DNAH7: variants seen among roughly 807,000 people sequenced by gnomAD.
DNAH7 encodes dynein axonemal heavy chain 7.
Under a neutral mutation model 444.6 loss-of-function variants are expected in DNAH7, and 397 were observed. The observed-to-expected ratio is 0.89, with a 90% CI of 0.82 to 0.97. The LOEUF (loss-of-function observed/expected upper bound fraction) is 0.97, where lower values mean the gene tolerates loss of function less well. Among genes scored for constraint, DNAH7 ranks in the 50% least tolerant of loss-of-function variants. The probability of loss-of-function intolerance (pLI) is 0.00; values close to 1 mark genes in which losing one functional copy is unlikely to be tolerated. For missense variants in DNAH7, 4,902 were observed against 4,800.8 expected (o/e 1.02, Z -0.62); for synonymous variants, 1,636 against 1,624.4 (o/e 1.01, Z -0.17).
intron 17 of DNAH7, among the ~76,000 whole-genome samples, chr2:195,965,521 A>G (rs1691414148): frequency 1.3e-5 from 2 of 152,060 alleles, no homozygotes; most frequent in South Asian, 4.1e-4. Flanking sequence ...ATTTTTCAGA[A>G]TAGTTTGAGT....
intron 43 of DNAH7, 111 bp downstream of exon 43, chr2:195,858,363 A>T (rs1230361486): frequency 2.2e-6 from 2 of 909,432 alleles, no homozygotes. Context: ...TTTCAGCTTC[A>T]TTAAAATTTC....
In DNAH7 at chr2:195,756,235, C is replaced by G; in HGVS notation, c.11484G>C (p.Leu3828Phe). Reference sequence around the variant, plus strand: ...TCCACATTTCTGGAATTTTGACATTCAAAATGCTGCTAACCACTTCTTCAA... The same window carrying G: ...TCCACATTTCTGGAATTTTGACATTGAAAATGCTGCTAACCACTTCTTCAA... Reference protein sequence around the residue: ...TDLEEVVSSILNVKIPEMWMG... With the variant: ...TDLEEVVSSIFNVKIPEMWMG... Residue 3828 changes from leucine (L) to phenylalanine (F), a missense_variant, in exon 62 of 65, where the codon TTG becomes TTC. Transcript: ENST00000312428. 1 of 1,613,714 alleles carries G rather than the reference C, an allele frequency of 6.2e-7. No individual in the cohort carries two copies. The highest frequency in any genetic ancestry group is 1.7e-5 in the Admixed American group (1 of 59,980).
intron 21 of DNAH7, among the ~76,000 whole-genome samples, chr2:195,929,340 C>T (rs1249684372): frequency 2.0e-5 from 3 of 152,150 alleles, no homozygotes; most frequent in African/African-American, 7.2e-5. Flanking sequence ...TATCAAGCTA[C>T]CAACATCATT....
In DNAH7 at chr2:195,936,636, G is replaced by A. The variant is rs1689070545; in HGVS notation, c.3235C>T (p.Leu1079Phe). The A allele has an allele frequency of 6.2e-7, 1 of 1,604,932 alleles. No homozygotes were observed. The highest frequency in any genetic ancestry group is 8.5e-7 in the Non-Finnish European group (1 of 1,177,430). The change falls in exon 20 of 65, where the codon CTT becomes TTT. Residue 1079 changes from leucine (L) to phenylalanine (F), a missense_variant. Coordinates refer to ENST00000312428, the MANE Select transcript of DNAH7 (RefSeq NM_018897.3). Reference protein sequence around the residue: ...PRFFFLSNDELLEILSETKDP... With the variant: ...PRFFFLSNDEFLEILSETKDP... ...TTAGTCTCAGATAGTATCTCAAGAA[G>A]TTCATCATTGGACAAAAAAAAGAAT...
Position 195,888,895 on chromosome 2 carries a change from CTTG to C in DNAH7, c.5130_5132del (p.Asn1710del), listed in dbSNP as rs1290064525. ...TCTCCCCACTCATCAGACATAGCTTCTTGTTGTCATCCAGCACAGTGTTCATAT... is the reference window on the plus strand; with the variant it reads ...TCTCCCCACTCATCAGACATAGCTTCTTGTCATCCAGCACAGTGTTCATAT... On this transcript the variant is annotated inframe_deletion, in exon 32 of 65. Transcript: ENST00000312428. 3 of 1,614,084 alleles carry C rather than the reference CTTG, an allele frequency of 1.9e-6. No individual in the cohort carries two copies. The highest frequency in any genetic ancestry group is 1.1e-5 in the South Asian group (1 of 91,074).
intron 19 of DNAH7, among the ~76,000 whole-genome samples, chr2:195,950,254 T>C (rs545236723): frequency 2.0e-5 from 3 of 152,120 alleles, no homozygotes; most frequent in East Asian, 1.9e-4. Flanking sequence ...TTTTGGTTGG[T>C]AGGCTATTAA....
rs372544498 is a variant in DNAH7 at position 196,026,938 on chromosome 2, T to C, written c.489A>G (p.Arg163=). The C allele has an allele frequency of 7.0e-6, 11 of 1,579,362 alleles. No individual in the cohort carries two copies. Among genetic ancestry groups the C allele is most frequent in the Non-Finnish European group, 6.9e-6 (8 of 1,161,850 alleles). ...TTCCATGGTGAATATAATAGTAATA[T>C]CTCTACAAAAAGAAGATAGGAAAAA... is the stretch of plus-strand genomic sequence containing the variant. ...TASAIEKDIL[R]YYYYIHHGID... Residue 163 remains arginine (R), a splice_region_variant and synonymous_variant, in exon 7 of 65, where the codon AGA becomes AGG. Coordinates refer to ENST00000312428, the MANE Select transcript of DNAH7 (RefSeq NM_018897.3).
intron 1 of DNAH7, among the ~76,000 whole-genome samples, chr2:196,058,841 A>G (rs967079741): frequency 1.3e-5 from 2 of 152,236 alleles, no homozygotes; most frequent in African/African-American, 4.8e-5. Context: ...TTGATCATAA[A>G]ATTAACATGG....
chr2:195,784,875 A>G (rs1029360894), intron 58 of DNAH7, among the ~76,000 whole-genome samples: 1 of 149,124 alleles, frequency 6.7e-6, no homozygotes, highest in East Asian at 1.9e-4. Flanking sequence ...CATATTGTAT[A>G]TATTTATTAC....
chr2:195,901,674 A>G (rs1686717495), intron 27 of DNAH7: 2 of 152,120 alleles, frequency 1.3e-5, no homozygotes, highest in African/African-American at 4.8e-5. Flanking sequence ...TCTAAGGTTT[A>G]CCAGATTATG....
In DNAH7 at chr2:196,012,904, T is replaced by A. The variant is rs1694805309; in HGVS notation, c.872A>T (p.Lys291Ile). Residue 291 changes from lysine to isoleucine, a missense_variant and splice_region_variant, in exon 10 of 65, where the codon AAA becomes ATA. Lys to Ile is a moderately radical substitution (Grantham distance 102). Transcript: ENST00000312428. Reference protein sequence around the residue: ...VLDLWHTNFKKLRLVDIKEFH... With the variant: ...VLDLWHTNFKILRLVDIKEFH... The stretch of plus-strand genomic sequence containing the variant: ...TTCTTTGATATCAACTAAACGTAAT[T>A]TTCTGCAAAAGATAAAAATAAACAG... 1 of 1,482,066 alleles carries A rather than the reference T, an allele frequency of 6.7e-7. No homozygotes were observed. Among genetic ancestry groups the A allele is most frequent in the Non-Finnish European group, 9.0e-7 (1 of 1,114,420 alleles). 91.8% of individuals were successfully genotyped at this position (1,482,066 alleles called of 1,614,324 possible).
intron 51 of DNAH7, among the ~76,000 whole-genome samples, chr2:195,810,390 C>A (rs925225945): frequency 6.6e-6 from 1 of 151,992 alleles, no homozygotes; most frequent in Non-Finnish European, 1.5e-5. Flanking sequence ...TAGGAATAAT[C>A]ACAATATTTC....
At chr2:195,841,145 C>G (rs982347137) in intron 47 of DNAH7, among the ~76,000 whole-genome samples, 1 of 151,882 alleles carries the variant, frequency 6.6e-6, no homozygotes, top group East Asian at 1.9e-4. Flanking sequence ...TCAACAAAGA[C>G]GTAAAGGCAA....
At chr2:195,843,946 A>T (rs938729146) in intron 47 of DNAH7, among the ~76,000 whole-genome samples, 1 of 152,044 alleles carries the variant, frequency 6.6e-6, no homozygotes, top group Non-Finnish European at 1.5e-5. Context: ...AATACAAAAA[A>T]TTAGCCGGGC....
chr2:195,886,359 A>G, intron 33 of DNAH7, 87 bp from the exon 34 acceptor site: 1 of 1,229,064 alleles, frequency 8.1e-7, no homozygotes, highest in South Asian at 1.5e-5. Context: ...AAGCTCATTT[A>G]ATTTTAACAG....
chr2:195,894,375 T>C (rs538920732), intron 30 of DNAH7: 4 of 152,330 alleles, frequency 2.6e-5, no homozygotes, highest in Non-Finnish European at 5.9e-5. Context: ...CAAGTAAAGA[T>C]ATAATCATCA....
chr2:195,881,750 G>T, intron 36 of DNAH7, 45 bp downstream of exon 36: 1 of 1,538,862 alleles, frequency 6.5e-7, no homozygotes, highest in Non-Finnish European at 8.9e-7. Flanking sequence ...AACATTCTTA[G>T]GAAGATTATG....
intron 15 of DNAH7, among the ~76,000 whole-genome samples, chr2:195,983,185 AATGTT>A (rs1478180397): frequency 6.6e-6 from 1 of 152,224 alleles, no homozygotes; most frequent in Non-Finnish European, 1.5e-5. Flanking sequence ...ACAAAAACTT[AATGTT>A]ATAAGAATGA....
intron 18 of DNAH7, among the ~76,000 whole-genome samples, chr2:195,959,334 CCT>C (rs1690918503): frequency 6.6e-6 from 1 of 151,996 alleles, no homozygotes; most frequent in Non-Finnish European, 1.5e-5. Flanking sequence ...GTTCTTCTTC[CCT>C]CTTTTTCTAT....
Sources: allele counts gnomAD v4.1 joint callset (sites outside exome capture counted in the v4.1 genomes callset), GRCh38; gene constraint gnomAD v4.1.1; transcripts MANE v1.5; gene names NCBI Gene and HGNC (gene_info 2026-07-23, HGNC 2026-07-21).